GRID2: variants seen among roughly 807,000 people sequenced by gnomAD.
GRID2 encodes the protein glutamate ionotropic receptor delta type subunit 2.
In GRID2, 33 loss-of-function variants were observed where a neutral mutation model predicts 114.8. The ratio of observed to expected loss-of-function variants is 0.29; its 90% CI spans 0.22 to 0.38. The LOEUF is 0.38. Ranked by LOEUF, GRID2 falls within the 10% of genes least tolerant of loss-of-function variation. The probability of loss-of-function intolerance (pLI) is 1.00; values close to 1 mark genes in which losing one functional copy is unlikely to be tolerated. For missense variants in GRID2, 1,184 were observed against 1,257.7 expected (o/e 0.94, Z 0.89); for synonymous variants, 505 against 449.9 (o/e 1.12, Z -1.55).
intron 2 of GRID2, among the ~76,000 whole-genome samples, chr4:92,837,747 A>T (rs1742559795): frequency 6.6e-6 from 1 of 152,072 alleles, no homozygotes; most frequent in Non-Finnish European, 1.5e-5. Flanking sequence ...AAGTAATTGG[A>T]TTTGGACTAG....
At chr4:92,819,349 G>A (rs1354535859) in intron 2 of GRID2, among the ~76,000 whole-genome samples, 1 of 152,014 alleles carries the variant, frequency 6.6e-6, no homozygotes, top group African/African-American at 2.4e-5. Context: ...TTAAGCTCCT[G>A]AGTGATTCCA....
At chr4:93,386,326 A>G (rs893670679) in intron 8 of GRID2, among the ~76,000 whole-genome samples, 1 of 152,188 alleles carries the variant, frequency 6.6e-6, no homozygotes, top group African/African-American at 2.4e-5. Context: ...AATTATAATC[A>G]TATCAGGATA....
chr4:93,203,001 C>T (rs962759234), intron 4 of GRID2, among the ~76,000 whole-genome samples: 2 of 151,914 alleles, frequency 1.3e-5, no homozygotes, highest in African/African-American at 4.8e-5. Context: ...GTGTATAATA[C>T]ACTACTCATT....
chr4:93,001,077 C>T (rs1275441549), intron 2 of GRID2, among the ~76,000 whole-genome samples: 1 of 151,472 alleles, frequency 6.6e-6, no homozygotes, highest in Non-Finnish European at 1.5e-5. Flanking sequence ...CATCTAGCTC[C>T]TGATGAAAAC....
chr4:92,712,417 C>T (rs1040147053), intron 2 of GRID2, among the ~76,000 whole-genome samples: 2 of 151,950 alleles, frequency 1.3e-5, no homozygotes, highest in African/African-American at 4.8e-5. Context: ...AGAGTTTGCA[C>T]TTGTATCACA....
chr4:92,698,026 C>G (rs935068900), intron 2 of GRID2, among the ~76,000 whole-genome samples: 2 of 152,022 alleles, frequency 1.3e-5, no homozygotes, highest in African/African-American at 4.8e-5. Context: ...TCAACTCATT[C>G]TGAAAAAAGT....
intron 1 of GRID2, among the ~76,000 whole-genome samples, chr4:92,329,285 T>A (rs1726755908): frequency 6.6e-6 from 1 of 152,048 alleles, no homozygotes; most frequent in Non-Finnish European, 1.5e-5. Context: ...CTGGCTTCTT[T>A]TTAAGCCCTC....
chr4:93,319,536 C>T (rs1757009323), intron 8 of GRID2: 1 of 151,966 alleles, frequency 6.6e-6, no homozygotes, highest in Non-Finnish European at 1.5e-5. Flanking sequence ...TTTACAGATG[C>T]AATTAAGGTT....
chr4:93,717,787 G>A (rs1042246484), intron 14 of GRID2, among the ~76,000 whole-genome samples: 1 of 152,084 alleles, frequency 6.6e-6, no homozygotes, highest in Non-Finnish European at 1.5e-5. Context: ...AATCTTAAAA[G>A]CTTATTTTTT....
chr4:92,568,418 T>G (rs962381288), intron 1 of GRID2, among the ~76,000 whole-genome samples: 7 of 151,994 alleles, frequency 4.6e-5, no homozygotes. Flanking sequence ...TCCCCATGGT[T>G]TCTCTCAAGT....
chr4:92,822,338 A>G (rs1741347319), intron 2 of GRID2: 1 of 628,250 alleles, frequency 1.6e-6, no homozygotes, highest in Non-Finnish European at 3.1e-6. Flanking sequence ...AGAGACAGTC[A>G]CAGTGTTCAG....
At chr4:92,942,787 T>G (rs2149539020) in intron 2 of GRID2, among the ~76,000 whole-genome samples, 1 of 152,302 alleles carries the variant, frequency 6.6e-6, no homozygotes, top group Middle Eastern at 3.4e-3. Flanking sequence ...TCTCTCAGCA[T>G]TTGCTTGTCT....
Position 93,772,282 on chromosome 4 carries a change from G to C in GRID2, c.2808G>C (p.Gln936His), listed in dbSNP as rs779711935. ...CCACAACAACCTTTATCCCAGAGCA[G>C]ATCCAGACTCTTAGCCGCACACTGT... ...HITTTTFIPE[Q>H]IQTLSRTLSA... Residue 936 changes from glutamine (Q) to histidine (H), a missense_variant, in exon 16 of 16, where the codon CAG becomes CAC. Gln to His is a conservative substitution (Grantham distance 24). Transcript: ENST00000282020. The C allele has an allele frequency of 6.2e-7, 1 of 1,614,122 alleles. No individual in the cohort carries two copies. The highest frequency in any genetic ancestry group is 8.5e-7 in the Non-Finnish European group (1 of 1,179,986).
intron 12 of GRID2, among the ~76,000 whole-genome samples, chr4:93,499,392 A>G (rs1002699948): frequency 2.0e-5 from 3 of 151,882 alleles, no homozygotes; most frequent in Admixed American, 6.6e-5. Context: ...TACTTCATCC[A>G]ATAAAGATGA....
intron 10 of GRID2, among the ~76,000 whole-genome samples, chr4:93,428,181 T>C (rs1305869846): frequency 1.3e-5 from 2 of 152,088 alleles, no homozygotes; most frequent in Non-Finnish European, 2.9e-5. Flanking sequence ...CAAGCCAGTA[T>C]ATTCAGCACA....
At chr4:92,881,093 G>T (rs980815114) in intron 2 of GRID2, among the ~76,000 whole-genome samples, 2 of 152,112 alleles carry the variant, frequency 1.3e-5, no homozygotes, top group South Asian at 4.1e-4. Flanking sequence ...AGTAGAGGAA[G>T]GGTTTCGCCA....
At chr4:93,677,454 C>A (rs1253571133) in intron 14 of GRID2, among the ~76,000 whole-genome samples, 1 of 152,208 alleles carries the variant, frequency 6.6e-6, no homozygotes, top group Admixed American at 6.5e-5. Flanking sequence ...AGCTGGAGAT[C>A]TGAGAACGGG....
chr4:92,938,283 T>A (rs758990161), intron 2 of GRID2, among the ~76,000 whole-genome samples: 1 of 146,624 alleles, frequency 6.8e-6, no homozygotes, highest in African/African-American at 2.4e-5. Flanking sequence ...TTATTTTTAG[T>A]TGGGATTCTT....
chr4:92,682,426 T>C (rs1206407686), intron 2 of GRID2, among the ~76,000 whole-genome samples: 1 of 152,170 alleles, frequency 6.6e-6, no homozygotes. Context: ...GATCTGTGTT[T>C]TTAAAAAGCC....
Sources: allele counts gnomAD v4.1 joint callset (sites outside exome capture counted in the v4.1 genomes callset), GRCh38; gene constraint gnomAD v4.1.1; transcripts MANE v1.5; gene names NCBI Gene and HGNC (gene_info 2026-07-23, HGNC 2026-07-21).